Variants in ACAD11 observed in about 807,000 individuals in gnomAD.
The protein encoded by ACAD11 is acyl-Coenzyme A dehydrogenase family, member 11.
A neutral mutation model predicts 102.2 loss-of-function variants in ACAD11; 83 were observed. The ratio of observed to expected loss-of-function variants is 0.81; its 90% CI spans 0.68 to 0.97. The LOEUF (loss-of-function observed/expected upper bound fraction) is 0.97, where lower values mean the gene tolerates loss of function less well. Among genes scored for constraint, ACAD11 ranks in the 50% least tolerant of loss-of-function variants. The pLI, the probability that ACAD11 is intolerant of heterozygous loss-of-function variation, is 0.00. For missense variants in ACAD11, 901 were observed against 951.7 expected, an observed-to-expected ratio of 0.95 and a Z score of 0.70; for synonymous variants, 324 against 319.8, an observed-to-expected ratio of 1.01 and a Z score of -0.14.
intron 13 of ACAD11, among the ~76,000 whole-genome samples, chr3:132,588,933 C>T (rs186451535): frequency 6.6e-6 from 1 of 152,158 alleles, no homozygotes; most frequent in Non-Finnish European, 1.5e-5. Context: ...TATGTCACCC[C>T]CTAGAAGTCA....
intron 1 of ACAD11, among the ~76,000 whole-genome samples, chr3:132,645,287 C>T (rs1940675306): frequency 6.6e-6 from 1 of 152,200 alleles, no homozygotes. Flanking sequence ...GATGCAGGAA[C>T]AGCTGGCTTA....
chr3:132,621,524 T>C (rs1939606828), intron 9 of ACAD11, among the ~76,000 whole-genome samples: 1 of 150,914 alleles, frequency 6.6e-6, no homozygotes, highest in Non-Finnish European at 1.5e-5. Context: ...CATTGCCACC[T>C]CTCCCCAGCA....
In ACAD11 at chr3:132,623,512, A is replaced by ATT. The variant is rs71708127; in HGVS notation, c.1197+3177_1197+3178dup. On this transcript the variant is annotated intron_variant, in intron 9 of 19. Coordinates refer to ENST00000264990, the MANE Select transcript of ACAD11 (RefSeq NM_032169.5). ...TTTTTATAGATGTTGGTACAGTACG[A>ATT]TTTTTTTTTTCAATTTTTTTAAAAG... Among the ~76,000 whole-genome samples the ATT allele has an allele frequency of 4.9e-4, 73 of 150,234 alleles. 1 individual carries two copies. The East Asian group carries it at 7.2e-3, about 15-fold the overall frequency.
intron 7 of ACAD11, among the ~76,000 whole-genome samples, chr3:132,630,209 A>G (rs1429895405): frequency 6.6e-6 from 1 of 152,194 alleles, no homozygotes; most frequent in African/African-American, 2.4e-5. Flanking sequence ...CCATCTTGTA[A>G]GTTTATTATA....
At chr3:132,642,889 G>A (rs982374989) in intron 2 of ACAD11, 87 bp from the exon 3 acceptor site, 4 of 1,366,608 alleles carry the variant, frequency 2.9e-6, no homozygotes, top group Non-Finnish European at 4.1e-6. Context: ...TAATCTTAAG[G>A]CTAGAAAACA....
chr3:132,638,135 C>G (rs1325193339), intron 5 of ACAD11, among the ~76,000 whole-genome samples: 2 of 152,116 alleles, frequency 1.3e-5, no homozygotes, highest in Non-Finnish European at 2.9e-5. Flanking sequence ...CTGAAATAAA[C>G]TGAGCATCAT....
rs753974575 is a variant in ACAD11, at chr3:132,631,353, T to A, written c.829A>T (p.Ser277Cys). The A allele has an allele frequency of 6.8e-7, 1 of 1,479,628 alleles. No individual in the cohort carries two copies. Among genetic ancestry groups the A allele is most frequent in the South Asian group, 1.6e-5 (1 of 64,436 alleles). 91.7% of individuals were successfully genotyped at this position (1,479,628 alleles called of 1,614,324 possible). A position where few individuals can be genotyped will look rare whatever the true frequency, so the allele number is the denominator to read the frequency against. ...TVPMINQGSY[S>C]ENSGIPSMEE... ...TATGTTTTTATACCTGAGTTTTCAC[T>A]ATAAGAACCTTGATTTATCATTGGA... is the stretch of plus-strand genomic sequence containing the variant. Residue 277 changes from serine (S) to cysteine (C), a missense_variant, in exon 6 of 20, where the codon AGT becomes TGT. By Grantham distance (112) the Ser-to-Cys change is moderately radical. Coordinates refer to ENST00000264990, the MANE Select transcript of ACAD11 (RefSeq NM_032169.5).
chr3:132,631,186 C>T (rs1940025968), intron 6 of ACAD11, among the ~76,000 whole-genome samples, 155 bp downstream of exon 6: 1 of 150,846 alleles, frequency 6.6e-6, no homozygotes, highest in Admixed American at 6.6e-5. Context: ...TTATCTTCAA[C>T]AAAAAAATAA....
chr3:132,606,016 C>A (rs1938821941), intron 11 of ACAD11, among the ~76,000 whole-genome samples: 1 of 152,220 alleles, frequency 6.6e-6, no homozygotes, highest in Admixed American at 6.5e-5. Context: ...ACAAAGAATT[C>A]TTCATGACTG....
chr3:132,627,084 T>C (rs1452475440), intron 8 of ACAD11: 7 of 265,154 alleles, frequency 2.6e-5, no homozygotes, highest in Non-Finnish European at 3.6e-5. Flanking sequence ...TAGTGATAGA[T>C]GCAGGAGGCA....
intron 1 of ACAD11, among the ~76,000 whole-genome samples, chr3:132,651,253 C>T (rs1399378635): frequency 6.6e-6 from 1 of 152,174 alleles, no homozygotes; most frequent in Non-Finnish European, 1.5e-5. Flanking sequence ...ACCCTCTACC[C>T]CTTTTTCTTG....
chr3:132,561,591 G>A (rs566549904), intron 17 of ACAD11, among the ~76,000 whole-genome samples: 3 of 152,320 alleles, frequency 2.0e-5, no homozygotes, highest in African/African-American at 7.2e-5. Context: ...TTGGCTAAAT[G>A]TATGGTAGTG....
chr3:132,635,519 T>G lies in ACAD11; in HGVS notation c.702+3973A>C, dbSNP rs572374767. 5.3e-5 allele frequency among the ~76,000 whole-genome samples: 8 copies of G among 152,320 alleles called. No homozygotes were observed. In the South Asian group the frequency reaches 8.3e-4, roughly 16 times the overall value. On this transcript the variant is annotated intron_variant, in intron 5 of 19. Transcript: ENST00000264990. ...TATGGGCTTTGGAATCAGACAGGCC[T>G]GTATTCAGACCCTAGCTCTACCATT...
At chr3:132,628,629 A>G (rs1004606065) in intron 7 of ACAD11, among the ~76,000 whole-genome samples, 183 bp from the exon 8 acceptor site, 2 of 152,212 alleles carry the variant, frequency 1.3e-5, no homozygotes, top group Non-Finnish European at 2.9e-5. Context: ...AGTCATACTC[A>G]TATCATACAG....
At chr3:132,606,750 C>G (rs890602040) in intron 11 of ACAD11, among the ~76,000 whole-genome samples, 1 of 152,212 alleles carries the variant, frequency 6.6e-6, no homozygotes, top group East Asian at 1.9e-4. Flanking sequence ...AAGGGAGCAG[C>G]GGATCTCCCA....
At chr3:132,573,163 G>C (rs1466753012) in intron 17 of ACAD11, among the ~76,000 whole-genome samples, 1 of 152,120 alleles carries the variant, frequency 6.6e-6, no homozygotes, top group South Asian at 2.1e-4. Flanking sequence ...CCCCACTTAT[G>C]AGTGAGAACA....
At chr3:132,636,499 A>C (rs191843396) in intron 5 of ACAD11, among the ~76,000 whole-genome samples, 1 of 152,236 alleles carries the variant, frequency 6.6e-6, no homozygotes, top group Non-Finnish European at 1.5e-5. Flanking sequence ...TGAAGAAGGC[A>C]GGGAAGAAAA....
intron 17 of ACAD11, among the ~76,000 whole-genome samples, chr3:132,567,727 ATGG>A (rs572502219): frequency 9.5e-4 from 145 of 152,280 alleles, no homozygotes; most frequent in Admixed American, 2.3e-3. Flanking sequence ...AGGGCCAGGT[ATGG>A]TGGCATCCAC....
At chr3:132,584,246 T>C (rs992090881) in intron 13 of ACAD11, among the ~76,000 whole-genome samples, 1 of 152,232 alleles carries the variant, frequency 6.6e-6, no homozygotes, top group African/African-American at 2.4e-5. Flanking sequence ...GGTGCTCCTA[T>C]ATCGGGTGCA....
Sources: allele counts gnomAD v4.1 joint callset (sites outside exome capture counted in the v4.1 genomes callset), GRCh38; gene constraint gnomAD v4.1.1; transcripts MANE v1.5; gene names NCBI Gene and HGNC (gene_info 2026-07-23, HGNC 2026-07-21).